The following CDH12 variants were observed in gnomAD, a reference collection of about 807,000 sequenced individuals.
CDH12 encodes cadherin-12.
A neutral mutation model predicts 74.1 loss-of-function variants in CDH12; 41 were observed. That is an observed-to-expected ratio of 0.55 (90% CI 0.43 to 0.72). CDH12 has a LOEUF of 0.72. CDH12 is among the 30% of genes least tolerant of loss of function. The pLI is 0.00. For missense variants in CDH12, 945 were observed against 977.2 expected (o/e 0.97, Z 0.44); for synonymous variants, 399 against 355.0 (o/e 1.12, Z -1.39).
intron 3 of CDH12, among the ~76,000 whole-genome samples, chr5:22,240,685 C>G (rs1164371344): frequency 2.0e-5 from 3 of 152,084 alleles, no homozygotes; most frequent in African/African-American, 7.2e-5. Context: ...AGGCGCCTGC[C>G]ACCATGCCGG....
rs879714761 is a variant in CDH12 at position 22,059,367 on chromosome 5, CTATCTATCTATCTATCTATCTATCTATG to C, written c.231+19051_231+19078del. On this transcript the variant is annotated intron_variant, in intron 5 of 14. Transcript: ENST00000382254. ...TCTATCTATCTATCTATCTATCTATCTATCTATCTATCTATCTATCTATCTATGTATCTACTTTTAAAGCTATACCACT... is the reference window on the plus strand; with the variant it reads ...TCTATCTATCTATCTATCTATCTATCTATCTACTTTTAAAGCTATACCACT... Among the ~76,000 whole-genome samples the C allele has an allele frequency of 8.4e-3, 1,105 of 131,292 alleles. 24 individuals are homozygous for C. The highest frequency in any genetic ancestry group is 0.04 in the African/African-American group (948 of 23,698). The allele number at this position is 131,292 out of a possible 152,430, so 86.1% of individuals were successfully genotyped here.
At chr5:22,271,481 A>G (rs1030260322) in intron 3 of CDH12, among the ~76,000 whole-genome samples, 2 of 152,176 alleles carry the variant, frequency 1.3e-5, no homozygotes, top group Non-Finnish European at 1.5e-5. Context: ...GTTAATGTTG[A>G]TATTTTGACC....
chr5:22,724,484 T>C (rs765439503), intron 1 of CDH12, among the ~76,000 whole-genome samples: 13 of 151,966 alleles, frequency 8.6e-5, no homozygotes, highest in Non-Finnish European at 1.8e-4. Context: ...CCATATGACA[T>C]TTAGTTTTCC....
chr5:22,317,812 A>C (rs981382967), intron 3 of CDH12, among the ~76,000 whole-genome samples: 1 of 152,180 alleles, frequency 6.6e-6, no homozygotes, highest in African/African-American at 2.4e-5. Context: ...CATGAAGTTA[A>C]ATTTTGTTTT....
intron 5 of CDH12, among the ~76,000 whole-genome samples, chr5:22,060,267 A>G (rs1162296974): frequency 6.6e-6 from 1 of 151,712 alleles, no homozygotes; most frequent in East Asian, 1.9e-4. Flanking sequence ...GAGATTAACA[A>G]TAAGAACACA....
rs373237879 is a variant in CDH12, at chr5:22,489,218, T to C, written c.-428+16052A>G. 2.8e-3 allele frequency among the ~76,000 whole-genome samples: 419 copies of C among 151,358 alleles called. 5 individuals carry two copies. The highest frequency in any genetic ancestry group is 9.8e-3 in the African/African-American group (404 of 41,254). On this transcript the variant is annotated intron_variant, in intron 2 of 14. Transcript: ENST00000382254. ...GACTACAGGTGCCCACCACCACACC[T>C]GGCTAATTTTTTGTATTTTTAGTAG...
intron 5 of CDH12, among the ~76,000 whole-genome samples, chr5:22,010,863 G>T (rs1269236091): frequency 6.6e-6 from 1 of 152,058 alleles, no homozygotes; most frequent in African/African-American, 2.4e-5. Context: ...ATCCTGTAAT[G>T]CTCTGATTCA....
chr5:22,832,173 G>A (rs1376649451), intron 1 of CDH12, among the ~76,000 whole-genome samples: 1 of 152,148 alleles, frequency 6.6e-6, no homozygotes, highest in African/African-American at 2.4e-5. Flanking sequence ...AATTAGTTTT[G>A]TGACCTTGAC....
At chr5:22,095,732 T>G (rs2150243587) in intron 4 of CDH12, among the ~76,000 whole-genome samples, 1 of 151,498 alleles carries the variant, frequency 6.6e-6, no homozygotes, top group East Asian at 2.0e-4. Context: ...CCCAATCCCT[T>G]ATTTCCACAC....
chr5:22,150,476 G>T lies in CDH12; in HGVS notation c.-187+62022C>A, dbSNP rs148606509. Among the ~76,000 whole-genome samples the T allele has an allele frequency of 3.0e-3, 457 of 151,458 alleles. 3 individuals carry two copies. Among genetic ancestry groups the T allele is most frequent in the Middle Eastern group, 0.024 (7 of 290 alleles). ...GTAATTATATATATATGTATATATA[G>T]AGAGAGAACACTTATGTATATGTAG... On this transcript the variant is annotated intron_variant, in intron 4 of 14. Coordinates refer to ENST00000382254, the MANE Select transcript of CDH12 (RefSeq NM_004061.5).
At chr5:22,443,098 A>G (rs1352164088) in intron 2 of CDH12, among the ~76,000 whole-genome samples, 6 of 152,170 alleles carry the variant, frequency 3.9e-5, no homozygotes, top group Non-Finnish European at 8.8e-5. Flanking sequence ...TCAAAAGCAG[A>G]TAAGTGACAC....
intron 4 of CDH12, among the ~76,000 whole-genome samples, chr5:22,153,198 T>TTTC (rs1747728786): frequency 6.6e-6 from 1 of 150,874 alleles, no homozygotes; most frequent in Non-Finnish European, 1.5e-5. Context: ...TTTTTTTTTT[T>TTTC]AGAAACCTCC....
rs117469387 is a variant in CDH12 at position 22,630,143 on chromosome 5, G to A, written c.-522-124779C>T. Among the ~76,000 whole-genome samples, 614 of 152,164 alleles carry A rather than the reference G, an allele frequency of 4.0e-3. 12 individuals carry two copies. Among genetic ancestry groups the A allele is most frequent in the East Asian group, 0.028 (146 of 5,174 alleles). ...AAATGGAAAAACATTCAGTGCTCAT[G>A]GATAGGTAGAAGCAATATTGTTAAA... is the stretch of plus-strand genomic sequence containing the variant. On this transcript the variant is annotated intron_variant, in intron 1 of 14. Transcript: ENST00000382254.
At chr5:22,800,007 A>G (rs1748428485) in intron 1 of CDH12, among the ~76,000 whole-genome samples, 1 of 152,192 alleles carries the variant, frequency 6.6e-6, no homozygotes. Context: ...TTTCAGATAC[A>G]GCACATACAA....
intron 6 of CDH12, among the ~76,000 whole-genome samples, chr5:21,896,608 A>G (rs572836561): frequency 1.2e-4 from 19 of 152,324 alleles, no homozygotes; most frequent in African/African-American, 4.3e-4. Flanking sequence ...AAGGTGATCT[A>G]CAACCTAATC....
rs750400118 is a variant in CDH12 at position 22,078,574 on chromosome 5, G to T, written c.103C>A (p.Pro35Thr). The change falls in exon 5 of 15, where the codon CCA becomes ACA. Residue 35 changes from proline to threonine, a missense_variant. Pro to Thr is a conservative substitution (Grantham distance 38, BLOSUM62 -1). Coordinates refer to ENST00000382254, the MANE Select transcript of CDH12 (RefSeq NM_004061.5). ...PQPQQTLATE[P>T]RENVIHLPGQ... The stretch of plus-strand genomic sequence containing the variant: ...GGCAGATGGATAACATTTTCTCTTG[G>T]CTCTGTGGCTAAAGTCTGCTGTGGC... The T allele has an allele frequency of 6.2e-7, 1 of 1,613,928 alleles. No individual in the cohort carries two copies. Among genetic ancestry groups the T allele is most frequent in the Non-Finnish European group, 8.5e-7 (1 of 1,179,894 alleles).
chr5:21,797,563 G>T (rs1746858298), intron 10 of CDH12, among the ~76,000 whole-genome samples: 1 of 152,056 alleles, frequency 6.6e-6, no homozygotes, highest in African/African-American at 2.4e-5. Context: ...AGATCAATTA[G>T]ATCCATCTGT....
intron 6 of CDH12, among the ~76,000 whole-genome samples, chr5:21,935,422 T>A (rs1397349374): frequency 6.6e-6 from 1 of 152,198 alleles, no homozygotes; most frequent in Non-Finnish European, 1.5e-5. Flanking sequence ...CTAATGCACT[T>A]CTAGTAAACT....
intron 2 of CDH12, among the ~76,000 whole-genome samples, chr5:22,443,061 C>T (rs1200406362): frequency 6.6e-6 from 1 of 152,134 alleles, no homozygotes; most frequent in African/African-American, 2.4e-5. Flanking sequence ...TGGATTCCTG[C>T]ACTCTGTTGA....
Sources: gnomAD v4.1 joint callset for allele counts (sites outside exome capture counted in the v4.1 genomes callset) on GRCh38, gnomAD v4.1.1 for gene constraint, MANE v1.5 for transcripts, NCBI Gene and HGNC (gene_info 2026-07-23, HGNC 2026-07-21) for gene names.